The following KIF25 variants were observed in gnomAD, a reference collection of about 807,000 sequenced individuals.
KIF25 encodes the protein kinesin-like protein KIF25.
KIF25 carries 19 observed loss-of-function variants against 32.9 expected under a neutral mutation model. The observed-to-expected ratio is 0.58, with a 90% CI of 0.40 to 0.85. The LOEUF is 0.85. Ranked by LOEUF, KIF25 falls within the 40% of genes least tolerant of loss-of-function variation. The pLI, the probability that KIF25 is intolerant of heterozygous loss-of-function variation, is 0.00. For missense variants in KIF25, 485 were observed against 507.0 expected (o/e 0.96, Z 0.42); for synonymous variants, 225 against 213.7 (o/e 1.05, Z -0.46).
chr6:168,035,674 G>C (rs1006936421), intron 8 of KIF25: 3 of 455,228 alleles, frequency 6.6e-6, no homozygotes, highest in Admixed American at 4.7e-5. Context: ...CGTTTCAGTC[G>C]CCTCGTTTCT....
At chr6:168,022,633 G>A (rs956330890) in intron 5 of KIF25, among the ~76,000 whole-genome samples, 5 of 152,062 alleles carry the variant, frequency 3.3e-5, no homozygotes, top group African/African-American at 9.7e-5. Flanking sequence ...TATTGTGTCT[G>A]GTTCTTGTGG....
At chr6:168,014,874 C>T (rs1271862569) in intron 4 of KIF25, among the ~76,000 whole-genome samples, 1 of 152,208 alleles carries the variant, frequency 6.6e-6, no homozygotes, top group Non-Finnish European at 1.5e-5. Flanking sequence ...GTTGGACTGT[C>T]TTTGTTCGTC....
intron 8 of KIF25, among the ~76,000 whole-genome samples, chr6:168,037,110 C>T (rs1055595768): frequency 1.3e-5 from 2 of 152,174 alleles, no homozygotes; most frequent in African/African-American, 4.8e-5. Context: ...TGTAGCTTAG[C>T]TAACTTCATG....
chr6:168,027,175 G>A (rs3757365), intron 5 of KIF25, among the ~76,000 whole-genome samples: 41,053 of 151,942 alleles, frequency 0.27, 5,866 homozygotes, highest in East Asian at 0.5. Context: ...AAAGGTGGCC[G>A]GGGGTGGTGG....
At chr6:168,024,634 G>T (rs917364276) in intron 5 of KIF25, among the ~76,000 whole-genome samples, 1 of 151,886 alleles carries the variant, frequency 6.6e-6, no homozygotes, top group African/African-American at 2.4e-5. Flanking sequence ...CAAAATAGGT[G>T]ACATAATTGG....
intron 3 of KIF25, 73 bp downstream of exon 3, chr6:168,002,732 T>G (rs1239331682): frequency 2.0e-5 from 3 of 152,224 alleles, no homozygotes; most frequent in African/African-American, 7.2e-5. Context: ...TATTGTGCAC[T>G]TTATTTCTAT....
intron 8 of KIF25, 80 bp from the exon 9 acceptor site, chr6:168,038,473 C>A: frequency 1.4e-6 from 2 of 1,411,252 alleles, no homozygotes; most frequent in Admixed American, 3.5e-5. Context: ...TCCTGTAGGG[C>A]GTCTGGGGCT....
intron 8 of KIF25, among the ~76,000 whole-genome samples, chr6:168,034,881 G>A (rs1798993974): frequency 1.3e-5 from 2 of 152,290 alleles, no homozygotes; most frequent in South Asian, 4.1e-4. Context: ...CTCAGTGGCC[G>A]GGCGCGGTGG....
intron 4 of KIF25, among the ~76,000 whole-genome samples, chr6:168,013,896 C>T (rs532190659): frequency 2.6e-5 from 4 of 152,246 alleles, no homozygotes; most frequent in East Asian, 1.9e-4. Context: ...CCACATAGTC[C>T]GAGCTCAGCT....
At chr6:168,013,497 G>T (rs926789040) in intron 4 of KIF25, among the ~76,000 whole-genome samples, 1 of 151,994 alleles carries the variant, frequency 6.6e-6, no homozygotes, top group Non-Finnish European at 1.5e-5. Flanking sequence ...GGTGGCTCTG[G>T]TCTCAAGATG....
chr6:168,022,189 C>G (rs2114887239), intron 5 of KIF25, among the ~76,000 whole-genome samples: 1 of 152,238 alleles, frequency 6.6e-6, no homozygotes, highest in Non-Finnish European at 1.5e-5. Context: ...CTACCATTAC[C>G]CGCTTTTGAG....
intron 11 of KIF25, 152 bp downstream of exon 11, chr6:168,042,303 A>G: frequency 3.2e-6 from 3 of 936,070 alleles, no homozygotes; most frequent in Non-Finnish European, 4.7e-6. Flanking sequence ...TTACATTCTC[A>G]GGGATTGGTT....
chr6:168,009,642 G>T (rs1386404992), intron 4 of KIF25, among the ~76,000 whole-genome samples: 1 of 152,104 alleles, frequency 6.6e-6, no homozygotes, highest in African/African-American at 2.4e-5. Context: ...AGTTTCAGAA[G>T]AATTCGTATT....
Position 168,035,226 on chromosome 6 carries a change from G to A in KIF25, c.317+1195G>A, listed in dbSNP as rs538798383. 2.6e-5 allele frequency among the ~76,000 whole-genome samples: 4 copies of A among 151,724 alleles called. No homozygotes were observed. The South Asian group carries it at 6.3e-4, about 24-fold the overall frequency. On this transcript the variant is annotated intron_variant, in intron 8 of 12. Coordinates refer to ENST00000643607, the MANE Select transcript of KIF25 (RefSeq NM_030615.4). ...AGGGGGCGATGTGGTGTGGCAGCACGTCCCGGACGTCGGCTTCGCAGTGTT... is the reference window on the plus strand; with the variant it reads ...AGGGGGCGATGTGGTGTGGCAGCACATCCCGGACGTCGGCTTCGCAGTGTT...
intron 3 of KIF25, among the ~76,000 whole-genome samples, 189 bp from the exon 4 acceptor site, chr6:168,003,425 C>T (rs1798533307): frequency 6.6e-6 from 1 of 151,712 alleles, no homozygotes; most frequent in Non-Finnish European, 1.5e-5. Flanking sequence ...AGGAGCCAAG[C>T]CAGTGTCCTG....
rs140206308 is a variant in KIF25, at chr6:168,001,469, A to G, written c.-369-1074A>G. Among the ~76,000 whole-genome samples, 825 of 152,366 alleles carry G rather than the reference A, an allele frequency of 5.4e-3. 12 individuals are homozygous for G. Among genetic ancestry groups the G allele is most frequent in the African/African-American group, 0.019 (789 of 41,588 alleles). ...CTCCCTGCGAGCCTCCCACCATAAG[A>G]GGCACATACATGCAAATGAATGCAA... On this transcript the variant is annotated intron_variant, in intron 2 of 12. Transcript: ENST00000643607.
chr6:168,011,403 GT>G (rs1798645375), intron 4 of KIF25, among the ~76,000 whole-genome samples: 1 of 152,054 alleles, frequency 6.6e-6, no homozygotes, highest in Non-Finnish European at 1.5e-5. Context: ...AATTCTTTTA[GT>G]TTTTACTTGT....
intron 4 of KIF25, among the ~76,000 whole-genome samples, chr6:168,005,034 A>G (rs1798560194): frequency 6.6e-6 from 1 of 152,188 alleles, no homozygotes; most frequent in Admixed American, 6.5e-5. Flanking sequence ...AGGAGGACAC[A>G]GTAGAATGAG....
intron 5 of KIF25, among the ~76,000 whole-genome samples, chr6:168,019,647 C>A (rs1274077548): frequency 6.6e-6 from 1 of 152,144 alleles, no homozygotes; most frequent in South Asian, 2.1e-4. Context: ...GAGCTTGAGG[C>A]CCCTGGACGG....
Sources: allele counts gnomAD v4.1 joint callset (sites outside exome capture counted in the v4.1 genomes callset), GRCh38; gene constraint gnomAD v4.1.1; transcripts MANE v1.5; gene names NCBI Gene and HGNC (gene_info 2026-07-23, HGNC 2026-07-21).